Variants in SYTL5 observed in about 807,000 individuals in gnomAD.
SYTL5 encodes the protein synaptotagmin-like protein 5.
Under a neutral mutation model 55.9 loss-of-function variants are expected in SYTL5, and 34 were observed. The ratio of observed to expected loss-of-function variants is 0.61; its 90% CI spans 0.46 to 0.81. The LOEUF (loss-of-function observed/expected upper bound fraction) is 0.81. SYTL5 is among the 30% of genes least tolerant of loss of function. The probability of loss-of-function intolerance (pLI) is 0.00; values close to 1 mark genes in which losing one functional copy is unlikely to be tolerated. For synonymous variants in SYTL5, 221 were observed against 188.7 expected (o/e 1.17, Z -1.40); for missense variants, 637 against 546.7 (o/e 1.17, Z -1.65).
chrX:37,982,724 C>T, the SYTL5 span, among the ~76,000 whole-genome samples: 1 of 111,383 alleles, frequency 9.0e-6, no homozygotes, highest in Non-Finnish European at 1.9e-5. Context: ...CAGATGATAG[C>T]TGAAATCCAC....
chrX:38,011,420 A>C (rs1251859773), intron 1 of SYTL5, among the ~76,000 whole-genome samples: 1 of 108,872 alleles, frequency 9.2e-6, no homozygotes, highest in Non-Finnish European at 1.9e-5. Context: ...TCACGAGGTC[A>C]GGAGATCGAG....
chrX:37,997,495 C>G, the SYTL5 span, among the ~76,000 whole-genome samples: 6 of 112,408 alleles, frequency 5.3e-5, no homozygotes, highest in Non-Finnish European at 9.4e-5. Flanking sequence ...ACTCCAATCT[C>G]AAAGCAAAGT....
At chrX:38,098,590 T>C (rs1374449314) in intron 9 of SYTL5, among the ~76,000 whole-genome samples, 1 of 110,576 alleles carries the variant, frequency 9.0e-6, no homozygotes, top group African/African-American at 3.3e-5. Flanking sequence ...CCTACATTGC[T>C]AGTGGTAATG....
chrX:38,019,817 C>A (rs903749166), intron 1 of SYTL5, among the ~76,000 whole-genome samples: 2 of 110,352 alleles, frequency 1.8e-5, no homozygotes, highest in African/African-American at 3.3e-5. Context: ...TTATTTATAG[C>A]AGAGATGAGA....
the SYTL5 span, among the ~76,000 whole-genome samples, chrX:37,968,641 G>A: frequency 4.5e-5 from 5 of 111,199 alleles, no homozygotes; most frequent in African/African-American, 9.8e-5. Flanking sequence ...ATATATTAAC[G>A]GTTTCATCTG....
chrX:38,061,822 C>T (rs1309890569), intron 3 of SYTL5, among the ~76,000 whole-genome samples: 1 of 111,675 alleles, frequency 9.0e-6, no homozygotes, highest in Non-Finnish European at 1.9e-5. Flanking sequence ...CTACAAAATT[C>T]CACATTGTTA....
At chrX:38,018,444 G>C (rs2885938) in intron 1 of SYTL5, among the ~76,000 whole-genome samples, 31,101 of 111,034 alleles carry the variant, frequency 0.28, 6,307 homozygotes, top group African/African-American at 0.72. Flanking sequence ...CAGTTTATGG[G>C]AAGTTTCCTA....
the SYTL5 span, among the ~76,000 whole-genome samples, chrX:37,943,409 C>A: frequency 1.8e-5 from 2 of 111,311 alleles, no homozygotes; most frequent in Non-Finnish European, 3.8e-5. Flanking sequence ...GGAGACTGGG[C>A]TTAACTCTGA....
At chrX:37,932,498 GA>G in the SYTL5 span, among the ~76,000 whole-genome samples, 1 of 111,586 alleles carries the variant, frequency 9.0e-6, no homozygotes, top group South Asian at 3.8e-4. Flanking sequence ...TAAATCAATT[GA>G]AAAGGAGAAC....
chrX:37,992,685 G>C, the SYTL5 span, among the ~76,000 whole-genome samples: 1 of 112,423 alleles, frequency 8.9e-6, no homozygotes, highest in African/African-American at 3.2e-5. Flanking sequence ...AAGGTGCAGT[G>C]GTCCTGGTTC....
chrX:38,088,762 ACT>A (rs2147502155), intron 6 of SYTL5, among the ~76,000 whole-genome samples: 1 of 112,357 alleles, frequency 8.9e-6, no homozygotes, highest in Non-Finnish European at 1.9e-5. Context: ...TTAAATATGT[ACT>A]GAGTGGCTTC....
At chrX:37,913,249 G>C in the SYTL5 span, among the ~76,000 whole-genome samples, 3 of 112,329 alleles carry the variant, frequency 2.7e-5, no homozygotes, top group East Asian at 8.3e-4. Context: ...ATCTTTGTCT[G>C]CTATTGAAAC....
chrX:37,895,258 C>G, the SYTL5 span, among the ~76,000 whole-genome samples: 1 of 112,158 alleles, frequency 8.9e-6, no homozygotes, highest in African/African-American at 3.2e-5. Context: ...CTAGATATAC[C>G]ATTTAATAAT....
At chrX:38,089,087 A>G (rs146844352) in intron 6 of SYTL5, among the ~76,000 whole-genome samples, 1,659 of 112,350 alleles carry the variant, frequency 0.015, 11 homozygotes, top group South Asian at 0.054. Context: ...TTAAGAGGGC[A>G]TAACAAGTGG....
chrX:37,940,940 G>C, the SYTL5 span, among the ~76,000 whole-genome samples: 28 of 110,926 alleles, frequency 2.5e-4, no homozygotes, highest in Admixed American at 2.3e-3. Context: ...ATAAGCTTTA[G>C]GGAAGGATGT....
the SYTL5 span, among the ~76,000 whole-genome samples, chrX:37,960,778 A>ATTTG: frequency 1.4e-5 from 1 of 72,020 alleles, no homozygotes. Flanking sequence ...TTATTTATTT[A>ATTTG]TTTATTTATT....
chrX:38,020,933 A>G (rs1043501335), intron 1 of SYTL5, among the ~76,000 whole-genome samples: 1 of 111,926 alleles, frequency 8.9e-6, no homozygotes, highest in Non-Finnish European at 1.9e-5. Context: ...TAGCACATCT[A>G]TGTTATTATC....
the SYTL5 span, among the ~76,000 whole-genome samples, chrX:37,964,009 C>A: frequency 1.3e-4 from 15 of 111,648 alleles, no homozygotes; most frequent in African/African-American, 4.9e-4. Context: ...TCTGTCAATG[C>A]AGTGCTATGC....
At chrX:37,953,880 TATG>T in the SYTL5 span, among the ~76,000 whole-genome samples, 1 of 111,078 alleles carries the variant, frequency 9.0e-6, no homozygotes, top group Non-Finnish European at 1.9e-5. Context: ...TTATAATAAA[TATG>T]AAGAAGAGAC....
Sources: allele counts gnomAD v4.1 joint callset (sites outside exome capture counted in the v4.1 genomes callset), GRCh38; gene constraint gnomAD v4.1.1; transcripts MANE v1.5; gene names NCBI Gene and HGNC (gene_info 2026-07-23, HGNC 2026-07-21).